The following HDAC9 variants were observed in gnomAD, a reference collection of about 807,000 sequenced individuals.
The protein encoded by HDAC9 is histone deacetylase 9, also known as MEF-2 interacting transcription repressor (MITR) protein.
HDAC9 carries 41 observed loss-of-function variants against 139.4 expected under a neutral mutation model. The observed-to-expected ratio is 0.29, with a 90% confidence interval of 0.23 to 0.38. The LOEUF (loss-of-function observed/expected upper bound fraction) is 0.38, where lower values mean the gene tolerates loss of function less well. HDAC9 is among the 10% of genes least tolerant of loss of function. The probability of loss-of-function intolerance (pLI) is 1.00; values close to 1 mark genes in which losing one functional copy is unlikely to be tolerated. For synonymous variants in HDAC9, 517 were observed against 476.2 expected (o/e 1.09, Z -1.12); for missense variants, 1,147 against 1,297.0 (o/e 0.88, Z 1.78).
At chr7:18,888,026 C>T (rs200496267) in intron 22 of HDAC9, among the ~76,000 whole-genome samples, 1 of 152,204 alleles carries the variant, frequency 6.6e-6, no homozygotes, top group East Asian at 1.9e-4. Context: ...CTTTTATGAA[C>T]TCCCTCATTT....
chr7:18,086,942 A>C (rs1781825739), upstream of HDAC9: 1 of 138,934 alleles, frequency 7.2e-6, no homozygotes, highest in African/African-American at 2.7e-5. Context: ...CGCGTCCCGC[A>C]CATCGCGCAG....
chr7:18,472,914 G>A (rs1563022655), intron 1 of HDAC9, among the ~76,000 whole-genome samples: 1 of 152,192 alleles, frequency 6.6e-6, no homozygotes, highest in Non-Finnish European at 1.5e-5. Flanking sequence ...GATGTACTGG[G>A]TGTTCACTTG....
intron 2 of HDAC9, among the ~76,000 whole-genome samples, chr7:18,500,802 T>C (rs1466224557): frequency 6.6e-6 from 1 of 152,004 alleles, no homozygotes; most frequent in Non-Finnish European, 1.5e-5. Flanking sequence ...CGTCTTAGTA[T>C]TGCTTCCTAC....
At chr7:18,664,158 G>C (rs1456555659) in intron 11 of HDAC9, among the ~76,000 whole-genome samples, 1 of 152,120 alleles carries the variant, frequency 6.6e-6, no homozygotes, top group Non-Finnish European at 1.5e-5. Context: ...AAGAAAAGAA[G>C]AGCTGATTAG....
At chr7:18,938,344 G>A (rs953000899) in intron 23 of HDAC9, among the ~76,000 whole-genome samples, 1 of 151,338 alleles carries the variant, frequency 6.6e-6, no homozygotes, top group South Asian at 2.1e-4. Flanking sequence ...GCCTGTAATC[G>A]CAGCACTTTG....
chr7:18,194,726 C>G (rs1238706215), intron 2 of HDAC9, among the ~76,000 whole-genome samples: 1 of 152,190 alleles, frequency 6.6e-6, no homozygotes, highest in Non-Finnish European at 1.5e-5. Context: ...AACAGCTGTT[C>G]TCATATGACC....
At chr7:18,984,268 GT>G (rs1489371337) in intron 25 of HDAC9, among the ~76,000 whole-genome samples, 1 of 152,042 alleles carries the variant, frequency 6.6e-6, no homozygotes, top group Non-Finnish European at 1.5e-5. Flanking sequence ...ACGAGCAAAA[GT>G]TCAGAGAGTA....
chr7:18,793,414 A>G lies in HDAC9; in HGVS notation c.2284A>G (p.Ile762Val), dbSNP rs986299680. Residue 762 changes from isoleucine (I) to valine (V), a missense_variant, in exon 17 of 26, where the codon ATC (isoleucine) becomes GTC (valine). Ile to Val is a conservative substitution (Grantham distance 29, BLOSUM62 3). This residue lies in a region of HDAC9 where 407 missense variants were observed against 521.5 expected (regional missense o/e 0.78). Coordinates refer to ENST00000686413, the MANE Select transcript of HDAC9 (RefSeq NM_178425.4). ...GAARMAVGCV[I>V]ELASKVASGE... ...TGCACGCATGGCTGTTGGCTGTGTC[A>G]TCGAGCTGGCTTCCAAAGTGGCCTC... The G allele has an allele frequency of 1.9e-6, 3 of 1,585,192 alleles. No individual in the cohort carries two copies. The highest frequency in any genetic ancestry group is 2.6e-6 in the Non-Finnish European group (3 of 1,165,674).
chr7:18,438,455 T>C (rs1442451089), intron 1 of HDAC9, among the ~76,000 whole-genome samples: 1 of 152,202 alleles, frequency 6.6e-6, no homozygotes, highest in Non-Finnish European at 1.5e-5. Flanking sequence ...TTAGAATCAA[T>C]GTATTGTAGT....
At chr7:18,364,827 A>G (rs1416070694) in intron 1 of HDAC9, among the ~76,000 whole-genome samples, 1 of 152,166 alleles carries the variant, frequency 6.6e-6, no homozygotes, top group Non-Finnish European at 1.5e-5. Flanking sequence ...GAGAGAAATC[A>G]GGTATTGATA....
chr7:18,204,174 T>G (rs1791333153), intron 2 of HDAC9, among the ~76,000 whole-genome samples: 1 of 152,100 alleles, frequency 6.6e-6, no homozygotes, highest in African/African-American at 2.4e-5. Flanking sequence ...TTTTTTCTGT[T>G]TAAGATATTC....
chr7:18,921,549 A>C (rs1803727288), intron 22 of HDAC9, among the ~76,000 whole-genome samples: 1 of 152,174 alleles, frequency 6.6e-6, no homozygotes, highest in Admixed American at 6.5e-5. Flanking sequence ...CACCAGTTAG[A>C]ATGGCAATCA....
intron 11 of HDAC9, among the ~76,000 whole-genome samples, chr7:18,654,128 C>A (rs528378950): frequency 5.3e-5 from 8 of 152,150 alleles, no homozygotes; most frequent in African/African-American, 1.4e-4. Context: ...TGTCTGTATT[C>A]CAAAAGTTTA....
chr7:18,926,623 T>C (rs1288090481), intron 22 of HDAC9, among the ~76,000 whole-genome samples: 1 of 152,122 alleles, frequency 6.6e-6, no homozygotes, highest in Non-Finnish European at 1.5e-5. Context: ...GGATCGTAGA[T>C]GGATGGAGGG....
intron 23 of HDAC9, chr7:18,949,146 T>A (rs1160262575): frequency 7.1e-6 from 2 of 280,026 alleles, no homozygotes; most frequent in Non-Finnish European, 1.4e-5. Context: ...TGGTTTTGAG[T>A]CTTTTTCAGT....
At chr7:18,726,672 AT>A (rs967478496) in intron 12 of HDAC9, among the ~76,000 whole-genome samples, 1 of 151,236 alleles carries the variant, frequency 6.6e-6, no homozygotes, top group South Asian at 2.1e-4. Flanking sequence ...TAGTATATAT[AT>A]TTTTGATAAA....
intron 21 of HDAC9, among the ~76,000 whole-genome samples, chr7:18,868,524 C>T (rs547810473): frequency 2.6e-5 from 4 of 152,090 alleles, no homozygotes; most frequent in African/African-American, 9.7e-5. Flanking sequence ...TTAAGTCCTG[C>T]CTGTTTTCTG....
chr7:18,410,617 AT>A (rs1788454126), intron 1 of HDAC9, among the ~76,000 whole-genome samples: 1 of 152,198 alleles, frequency 6.6e-6, no homozygotes, highest in Non-Finnish European at 1.5e-5. Context: ...CTTTTGTTAA[AT>A]TAGCTTTGTT....
intron 2 of HDAC9, among the ~76,000 whole-genome samples, chr7:18,248,289 A>C (rs1017261862): frequency 5.3e-5 from 8 of 152,338 alleles, no homozygotes; most frequent in Middle Eastern, 3.4e-3. Context: ...AAATGAATTT[A>C]ACATTTCTTA....
Sources: allele counts gnomAD v4.1 joint callset (sites outside exome capture counted in the v4.1 genomes callset), GRCh38; gene constraint gnomAD v4.1.1; regional missense constraint gnomAD v4.1.1; transcripts MANE v1.5; gene names NCBI Gene and HGNC (gene_info 2026-07-23, HGNC 2026-07-21).